Variants in TOP2B observed in about 807,000 individuals in gnomAD.
The protein encoded by TOP2B is DNA topoisomerase II beta.
A neutral mutation model predicts 193.5 loss-of-function variants in TOP2B; 51 were observed. That is an observed-to-expected ratio of 0.26 (90% CI 0.21 to 0.33). TOP2B has a LOEUF of 0.33. Ranked by LOEUF, TOP2B falls within the 10% of genes least tolerant of loss-of-function variation. TOP2B has a pLI of 1.00. For missense variants in TOP2B, 1,378 were observed against 1,909.3 expected, an observed-to-expected ratio of 0.72 and a Z score of 5.19; for synonymous variants, 634 against 635.7, an observed-to-expected ratio of 1.00 and a Z score of 0.04.
At chr3:25,602,498 T>TA (rs112030237) in intron 33 of TOP2B, among the ~76,000 whole-genome samples, 333 of 140,572 alleles carry the variant, frequency 2.4e-3, no homozygotes, top group Non-Finnish European at 3.0e-3. Context: ...AGACTTTGTT[T>TA]AAAAAAAAAA....
rs1489527636 is a variant in TOP2B, at chr3:25,624,757, C to T, written c.2271G>A (p.Arg757=). ...CAACTTTTACTTCACGTTTATCATT[C>T]CTCTTGAAACAGGTAAATAAAACTT... ...QRKVLFTCFK[R]NDKREVKVAQ... is the part of the protein sequence containing the mutation. Residue 757 remains arginine, a synonymous_variant, in exon 19 of 36, where the codon AGG becomes AGA. Coordinates refer to ENST00000264331, the MANE Select transcript of TOP2B (RefSeq NM_001330700.2). 3 of 1,613,574 alleles carry T rather than the reference C, an allele frequency of 1.9e-6. No individual in the cohort carries two copies. The highest frequency in any genetic ancestry group is 2.2e-5 in the South Asian group (2 of 91,064).
chr3:25,664,737 C>A lies in TOP2B; in HGVS notation c.-440G>T. 1.0e-6 allele frequency: 1 copy of A among 987,814 alleles called. No homozygotes were observed. Among genetic ancestry groups the A allele is most frequent in the Non-Finnish European group, 1.2e-6 (1 of 830,380 alleles). The allele number at this position is 987,814 out of a possible 1,614,324, so 61.2% of individuals were successfully genotyped here. A position where few individuals can be genotyped will look rare whatever the true frequency, so the allele number is the denominator to read the frequency against. On this transcript the variant is annotated 5_prime_UTR_variant, in exon 1 of 36. Coordinates refer to ENST00000264331, the MANE Select transcript of TOP2B (RefSeq NM_001330700.2). The stretch of plus-strand genomic sequence containing the variant: ...TCTCACACTCCGCGAAGGCCAGCCA[C>A]TCGAGTCGCCAGAGTAGTCGTCCCG...
At chr3:25,615,122 A>G (rs1702471212) in intron 27 of TOP2B, 83 bp downstream of exon 27, 1 of 1,227,198 alleles carries the variant, frequency 8.1e-7, no homozygotes, top group Non-Finnish European at 1.1e-6. Context: ...AGTTAAAGAA[A>G]ACTTTAAGAT....
Position 25,645,544 on chromosome 3 carries a change from G to T in TOP2B, c.70-74C>A, listed in dbSNP as rs573841577. 3.5e-6 allele frequency: 4 copies of T among 1,155,626 alleles called. No individual in the cohort carries two copies. In the East Asian group the frequency reaches 8.2e-5, roughly 24 times the overall value. The allele number at this position is 1,155,626 out of a possible 1,614,324, so 71.6% of individuals were successfully genotyped here. A position where few individuals can be genotyped will look rare whatever the true frequency, so the allele number is the denominator to read the frequency against. ...CAATGAGTATGGACACACGACATGG[G>T]TTTTCTTTTTTAATGGCAAAATTAT... is the stretch of plus-strand genomic sequence containing the variant. On this transcript the variant is annotated intron_variant, in intron 1 of 35. Transcript: ENST00000264331.
chr3:25,604,928 C>A, intron 32 of TOP2B, 58 bp from the exon 33 acceptor site: 1 of 1,284,618 alleles, frequency 7.8e-7, no homozygotes, highest in East Asian at 2.3e-5. Context: ...TCTCAGTAAA[C>A]TTTGACTCTT....
intron 27 of TOP2B, among the ~76,000 whole-genome samples, chr3:25,613,417 C>A (rs1281338153): frequency 6.6e-6 from 1 of 152,140 alleles, no homozygotes; most frequent in Admixed American, 6.5e-5. Flanking sequence ...TGCACTTCCA[C>A]TTACTAGTTA....
intron 21 of TOP2B, 108 bp from the exon 22 acceptor site, chr3:25,620,924 C>T (rs757663119): frequency 8.4e-7 from 1 of 1,194,862 alleles, no homozygotes; most frequent in Non-Finnish European, 1.2e-6. Flanking sequence ...ATTTCTCATC[C>T]TCAATTGTCC....
intron 18 of TOP2B, among the ~76,000 whole-genome samples, chr3:25,625,839 T>C (rs781029687): frequency 1.3e-5 from 2 of 152,222 alleles, no homozygotes; most frequent in African/African-American, 2.4e-5. Flanking sequence ...AAGAATTTTG[T>C]AATCTAATTC....
chr3:25,608,506 A>C (rs1482048444), intron 30 of TOP2B, among the ~76,000 whole-genome samples: 1 of 152,190 alleles, frequency 6.6e-6, no homozygotes, highest in East Asian at 1.9e-4. Flanking sequence ...TTGCAGAACC[A>C]AAGAATTTAA....
intron 6 of TOP2B, 150 bp from the exon 7 acceptor site, chr3:25,636,298 C>T (rs1437683986): frequency 4.4e-5 from 25 of 572,100 alleles, no homozygotes; most frequent in Admixed American, 3.5e-4. Context: ...ATATTACAGA[C>T]AAAAAAAAAT....
rs1701962950 is a variant in TOP2B at position 25,598,073 on chromosome 3, G to C, written c.*234C>G. ...CAATTAAAATCTGTGCTAATGCACG[G>C]CAGTCTATAACAATTCTACAAGCCA... On this transcript the variant is annotated 3_prime_UTR_variant, in exon 36 of 36. Coordinates refer to ENST00000264331, the MANE Select transcript of TOP2B (RefSeq NM_001330700.2). 2 of 328,212 alleles carry C rather than the reference G, an allele frequency of 6.1e-6. No homozygotes were observed. Among genetic ancestry groups the C allele is most frequent in the Non-Finnish European group, 1.1e-5 (2 of 181,600 alleles). The allele number at this position is 328,212 out of a possible 1,614,324, so 20.3% of individuals were successfully genotyped here. A position where few individuals can be genotyped will look rare whatever the true frequency, so the allele number is the denominator to read the frequency against.
At chr3:25,606,432 A>C (rs748896131) in intron 31 of TOP2B, among the ~76,000 whole-genome samples, 1 of 152,146 alleles carries the variant, frequency 6.6e-6, no homozygotes, top group Non-Finnish European at 1.5e-5. Flanking sequence ...AATACTTTGA[A>C]TACTTAACCA....
intron 16 of TOP2B, 32 bp from the exon 17 acceptor site, chr3:25,626,896 T>C (rs755795175): frequency 5.5e-6 from 7 of 1,271,450 alleles, no homozygotes; most frequent in Non-Finnish European, 7.7e-6. Context: ...TTTTGCACAT[T>C]AAAAATAAAA....
chr3:25,630,213 A>C (rs1194447404), intron 12 of TOP2B, 59 bp from the exon 13 acceptor site: 1 of 1,520,910 alleles, frequency 6.6e-7, no homozygotes, highest in Non-Finnish European at 8.8e-7. Context: ...ACGAGTCAGA[A>C]ATTACATTTA....
intron 30 of TOP2B, among the ~76,000 whole-genome samples, chr3:25,608,149 G>A (rs942227041): frequency 6.6e-6 from 1 of 152,038 alleles, no homozygotes; most frequent in African/African-American, 2.4e-5. Flanking sequence ...GTTTTACTAT[G>A]AAATAACAAA....
In TOP2B at chr3:25,612,662, T is replaced by C. The variant is rs776470430; in HGVS notation, c.3639A>G (p.Gly1213=). 6.2e-7 allele frequency: 1 copy of C among 1,613,566 alleles called. No homozygotes were observed. ...EREDVLAGMS[G]KAIKGKVGKP... ...TGCCAACTTTACCTTTAATTGCTTT[T>C]CCAGACATTCCAGCCAGAACATCTT... Residue 1213 remains glycine, a synonymous_variant, in exon 28 of 36, where the codon GGA becomes GGG. Transcript: ENST00000264331.
intron 18 of TOP2B, chr3:25,625,057 G>T: frequency 3.5e-6 from 1 of 286,972 alleles, no homozygotes; most frequent in Non-Finnish European, 6.5e-6. Context: ...CCAATTGAAA[G>T]ACAACATTCT....
At chr3:25,631,930 G>A (rs917479038) in intron 10 of TOP2B, among the ~76,000 whole-genome samples, 15 of 152,016 alleles carry the variant, frequency 9.9e-5, no homozygotes, top group African/African-American at 3.6e-4. Flanking sequence ...TTCCAAAGAG[G>A]AGAGGCTGTG....
intron 7 of TOP2B, among the ~76,000 whole-genome samples, chr3:25,634,788 A>AC (rs1028961371): frequency 6.3e-5 from 9 of 143,286 alleles, no homozygotes; most frequent in African/African-American, 1.8e-4. Context: ...CAAAAAAAAA[A>AC]AAAAAAAAAC....
Sources: allele counts gnomAD v4.1 joint callset (sites outside exome capture counted in the v4.1 genomes callset), GRCh38; gene constraint gnomAD v4.1.1; transcripts MANE v1.5; gene names NCBI Gene and HGNC (gene_info 2026-07-23, HGNC 2026-07-21).